ALG12: variants seen among roughly 807,000 people sequenced by gnomAD.
ALG12 encodes the protein ALG12 alpha-1,6-mannosyltransferase.
In ALG12, 36 loss-of-function variants were observed where a neutral mutation model predicts 46.0. The ratio of observed to expected loss-of-function variants is 0.78; its 90% CI spans 0.60 to 1.03. ALG12 has a LOEUF of 1.03. Ranked by LOEUF, ALG12 falls within the 50% of genes least tolerant of loss-of-function variation. ALG12 has a pLI of 0.00. For missense variants in ALG12, 599 were observed against 633.5 expected, an observed-to-expected ratio of 0.95 and a Z score of 0.58; for synonymous variants, 326 against 291.6, an observed-to-expected ratio of 1.12 and a Z score of -1.20.
chr22:49,908,255 C>T lies in ALG12; in HGVS notation c.769-311G>A, dbSNP rs530360388. Among the ~76,000 whole-genome samples, 8 of 152,248 alleles carry T rather than the reference C, an allele frequency of 5.3e-5. No homozygotes were observed. The East Asian group carries it at 1.2e-3, about 22-fold the overall frequency. On this transcript the variant is annotated intron_variant, in intron 6 of 9. Coordinates refer to ENST00000330817, the MANE Select transcript of ALG12 (RefSeq NM_024105.4). ...TGTTAAAAACAGATGGTCGGCCGGG[C>T]GCAGTGGCTCATGTCTGTAATCCCA...
rs994323698 is a variant in ALG12 at position 49,903,015 on chromosome 22, G to C, written c.*823C>G. The C allele has an allele frequency of 2.9e-6, 1 of 347,378 alleles. No individual in the cohort carries two copies. Among genetic ancestry groups the C allele is most frequent in the African/African-American group, 2.2e-5 (1 of 46,506 alleles). The allele number at this position is 347,378 out of a possible 1,614,324, so 21.5% of individuals were successfully genotyped here. On this transcript the variant is annotated 3_prime_UTR_variant, in exon 10 of 10. Transcript: ENST00000330817. ...GTGTGTGTGCATGTATGCATGGTGT[G>C]TGCATACGTGTGCAGCAGCACCTGG...
the ALG12 span, among the ~76,000 whole-genome samples, chr22:49,875,713 G>A: frequency 6.6e-6 from 1 of 151,800 alleles, no homozygotes; most frequent in Non-Finnish European, 1.5e-5. Context: ...GAGTCACCCC[G>A]CCCAGCTTGT....
chr22:49,865,899 T>A, the ALG12 span, among the ~76,000 whole-genome samples: 1 of 150,498 alleles, frequency 6.6e-6, no homozygotes, highest in Non-Finnish European at 1.5e-5. Context: ...TTTGTAGAGC[T>A]GGGGGTCTCA....
At position 49,902,145 on chromosome 22, in the gene ALG12, T is replaced by C. The variant is rs1286306904; in HGVS notation, c.*1693A>G. On this transcript the variant is annotated 3_prime_UTR_variant, in exon 10 of 10. Coordinates refer to ENST00000330817, the MANE Select transcript of ALG12 (RefSeq NM_024105.4). Reference sequence around the variant, plus strand: ...GTGCACGTGTGCACTGTGTGTGGTGTGTATGCATGGTGTGTGCACGTGTGC... The same window carrying C: ...GTGCACGTGTGCACTGTGTGTGGTGCGTATGCATGGTGTGTGCACGTGTGC... 7.8e-6 allele frequency: 1 copy of C among 128,974 alleles called. No individual in the cohort carries two copies. The highest frequency in any genetic ancestry group is 3.1e-5 in the African/African-American group (1 of 32,086). The allele number at this position is 128,974 out of a possible 1,614,324, so 8.0% of individuals were successfully genotyped here.
chr22:49,904,187 G>A lies in ALG12; in HGVS notation c.1230C>T (p.Ser410=), dbSNP rs779189579. The change falls in exon 9 of 10, where the codon AGC becomes AGT. Residue 410 remains serine, a synonymous_variant. Coordinates refer to ENST00000330817, the MANE Select transcript of ALG12 (RefSeq NM_024105.4). The part of the protein sequence containing the change: ...TGVSRFLQVN[S]AWRYDKREDV... The stretch of plus-strand genomic sequence containing the variant: ...CTGTGTGTGGATCCTACCTCCAGGC[G>A]CTGTTGACTTGGAGAAACCGAGACA... 14 of 1,614,092 alleles carry A rather than the reference G, an allele frequency of 8.7e-6. No individual in the cohort carries two copies. The highest frequency in any genetic ancestry group is 1.3e-5 in the African/African-American group (1 of 74,936).
chr22:49,907,165 G>A (rs954108445), intron 7 of ALG12, among the ~76,000 whole-genome samples: 2 of 152,080 alleles, frequency 1.3e-5, no homozygotes, highest in Admixed American at 6.5e-5. Context: ...CCTCAAGCCC[G>A]AGGCCCTGTC....
rs2060514573 is a variant in ALG12 at position 49,902,269 on chromosome 22, A to ACG, written c.*1568_*1569insCG. 3.0e-5 allele frequency: 3 copies of ACG among 101,584 alleles called. No homozygotes were observed. Among genetic ancestry groups the ACG allele is most frequent in the South Asian group, 3.4e-4 (1 of 2,936 alleles). 6.3% of individuals were successfully genotyped at this position (101,584 alleles called of 1,614,324 possible). A position where few individuals can be genotyped will look rare whatever the true frequency, so the allele number is the denominator to read the frequency against. Reference sequence around the variant, plus strand: ...TGCACTGTGTATGCATGGTGTGTGCATGTGTGCACTGTATGCATAGTGTGC... The same window carrying ACG: ...TGCACTGTGTATGCATGGTGTGTGCACGTGTGTGCACTGTATGCATAGTGTGC... On this transcript the variant is annotated 3_prime_UTR_variant, in exon 10 of 10. Coordinates refer to ENST00000330817, the MANE Select transcript of ALG12 (RefSeq NM_024105.4).
At chr22:49,891,429 T>C in the ALG12 span, among the ~76,000 whole-genome samples, 4 of 152,334 alleles carry the variant, frequency 2.6e-5, no homozygotes, top group African/African-American at 4.8e-5. Flanking sequence ...CAGTCCTCTT[T>C]AATCAGAGCA....
At position 49,900,673 on chromosome 22, in the gene ALG12, G is replaced by C. The variant is rs1183137235; in HGVS notation, c.*3165C>G. On this transcript the variant is annotated 3_prime_UTR_variant, in exon 10 of 10. Transcript: ENST00000330817. ...CAGGCGTGCACTGGACTCCCTAGCAGATGCGTGAGGATGCTGCTGTTGCTG... is the reference window on the plus strand; with the variant it reads ...CAGGCGTGCACTGGACTCCCTAGCACATGCGTGAGGATGCTGCTGTTGCTG... The C allele has an allele frequency of 6.6e-6, 1 of 152,180 alleles. No individual in the cohort carries two copies. The highest frequency in any genetic ancestry group is 1.5e-5 in the Non-Finnish European group (1 of 68,078). 9.4% of individuals were successfully genotyped at this position (152,180 alleles called of 1,614,324 possible).
chr22:49,909,659 G>A (rs562956922), intron 5 of ALG12, among the ~76,000 whole-genome samples: 11 of 152,366 alleles, frequency 7.2e-5, no homozygotes, highest in South Asian at 4.1e-4. Context: ...CCACTCTTGT[G>A]GCCTCCCCCA....
the ALG12 span, among the ~76,000 whole-genome samples, chr22:49,869,396 G>C: frequency 6.6e-6 from 1 of 152,216 alleles, no homozygotes; most frequent in African/African-American, 2.4e-5. Context: ...TCGTCCTCCA[G>C]ACCAGATTAT....
chr22:49,914,743 A>G (rs996960511), intron 1 of ALG12, among the ~76,000 whole-genome samples: 1 of 152,120 alleles, frequency 6.6e-6, no homozygotes, highest in Non-Finnish European at 1.5e-5. Flanking sequence ...TACTTTAAAA[A>G]TTTTTTTTAA....
chr22:49,878,394 C>T, the ALG12 span, among the ~76,000 whole-genome samples: 1 of 151,106 alleles, frequency 6.6e-6, no homozygotes, highest in East Asian at 1.9e-4. Flanking sequence ...GTTACGTGGT[C>T]AGTATAAACA....
chr22:49,868,558 A>C, the ALG12 span, among the ~76,000 whole-genome samples: 50 of 152,232 alleles, frequency 3.3e-4, 1 homozygote, highest in Admixed American at 7.2e-4. Context: ...TAGCCTGGGC[A>C]ACAGAGCGAG....
chr22:49,897,669 T>C (rs974567475), downstream of ALG12, among the ~76,000 whole-genome samples: 36 of 132,100 alleles, frequency 2.7e-4, no homozygotes, highest in African/African-American at 1.1e-3. Flanking sequence ...TTTTCTTTTT[T>C]TTTTTTTTTT....
At chr22:49,884,315 C>T in the ALG12 span, 2 of 1,613,772 alleles carry the variant, frequency 1.2e-6, no homozygotes, top group Non-Finnish European at 1.7e-6. Context: ...AAGATCCCGT[C>T]CCCCGATCGA....
chr22:49,862,693 CTTTTTTTTTTTTT>C, the ALG12 span, among the ~76,000 whole-genome samples: 5 of 59,016 alleles, frequency 8.5e-5, 1 homozygote, highest in East Asian at 1.4e-3. Context: ...TAAGTTTTTC[CTTTTTTTTTTTTT>C]TTTTTTTTTT....
At chr22:49,886,044 G>A in the ALG12 span, 6 of 681,996 alleles carry the variant, frequency 8.8e-6, no homozygotes, top group African/African-American at 5.4e-5. This position sits in a 1 kb window ranked among gnomAD's most constrained non-coding sequence, Gnocchi z 7.7. Context: ...GGTGGGAAGC[G>A]TGGGTGACCT....
intron 1 of ALG12, among the ~76,000 whole-genome samples, chr22:49,917,409 G>A (rs2060618014): frequency 1.3e-5 from 2 of 152,184 alleles, no homozygotes; most frequent in African/African-American, 2.4e-5. Context: ...GGTGGCTCAC[G>A]CCTGTAACCC....
Sources: allele counts gnomAD v4.1 joint callset (sites outside exome capture counted in the v4.1 genomes callset), GRCh38; gene constraint gnomAD v4.1.1; non-coding constraint Gnocchi (gnomAD v3.1); transcripts MANE v1.5; gene names NCBI Gene and HGNC (gene_info 2026-07-23, HGNC 2026-07-21).